Variants in ZSCAN32 observed in about 807,000 individuals in gnomAD.
The protein encoded by ZSCAN32 is zinc finger and SCAN domain-containing protein 32.
ZSCAN32 carries 52 observed loss-of-function variants against 47.4 expected under a neutral mutation model. That is an observed-to-expected ratio of 1.10 (90% CI 0.88 to 1.38). The LOEUF (loss-of-function observed/expected upper bound fraction) is 1.38, where lower values mean the gene tolerates loss of function less well. Among genes scored for constraint, ZSCAN32 ranks in the 40% most tolerant of loss-of-function variants. The pLI is 0.00. For synonymous variants in ZSCAN32, 346 were observed against 305.7 expected (o/e 1.13, Z -1.38); for missense variants, 959 against 846.0 (o/e 1.13, Z -1.66).
At chr16:3,391,237 C>T (rs560985878) in intron 3 of ZSCAN32, among the ~76,000 whole-genome samples, 2 of 152,314 alleles carry the variant, frequency 1.3e-5, no homozygotes, top group Admixed American at 1.3e-4. Context: ...GCAAGTCCTG[C>T]TTCTCTTTAC....
chr16:3,394,077 C>T (rs1345665151), intron 2 of ZSCAN32, among the ~76,000 whole-genome samples: 1 of 152,074 alleles, frequency 6.6e-6, no homozygotes, highest in African/African-American at 2.4e-5. Flanking sequence ...AGCCTGGCAA[C>T]AAGGTGAAAG....
Position 3,383,091 on chromosome 16 carries a change from G to A in ZSCAN32, c.1855C>T (p.Gln619Ter). The change falls in exon 7 of 7, where the codon CAG (glutamine) becomes TAG (stop). Residue 619 changes from glutamine (Q) to a stop codon, truncating the protein, a stop_gained. Coordinates refer to ENST00000396852, the MANE Select transcript of ZSCAN32 (RefSeq NM_001284527.2). LOFTEE classifies it low-confidence loss of function (END_TRUNC). ...TGGATGCGCCGGTGAGCACTGAACT[G>A]GGAACTGTTGTTGAATCTCTTTCCA... The part of the protein sequence containing the change: ...VCGKRFNNSS[Q>*]FSAHRRIHTG... 6.2e-7 allele frequency: 1 copy of A among 1,614,156 alleles called. No homozygotes were observed. Among genetic ancestry groups the A allele is most frequent in the African/African-American group, 1.3e-5 (1 of 75,032 alleles).
chr16:3,383,835 CCTG>C (rs2031582433), intron 6 of ZSCAN32, 124 bp from the exon 7 acceptor site: 10 of 1,024,130 alleles, frequency 9.8e-6, no homozygotes, highest in Non-Finnish European at 1.3e-5. Context: ...GATTAAGTCT[CCTG>C]CTAATTAATA....
intron 4 of ZSCAN32, 52 bp from the exon 5 acceptor site, chr16:3,390,185 T>A: frequency 4.6e-6 from 7 of 1,530,094 alleles, no homozygotes; most frequent in Non-Finnish European, 6.2e-6. Flanking sequence ...CACTCTAGCC[T>A]GGGGTGGGGG....
intron 5 of ZSCAN32, among the ~76,000 whole-genome samples, chr16:3,387,834 A>G (rs1294172491): frequency 6.6e-6 from 1 of 152,250 alleles, no homozygotes; most frequent in African/African-American, 2.4e-5. Context: ...CCTGCCTTCA[A>G]GGAGGTCACA....
intron 5 of ZSCAN32, among the ~76,000 whole-genome samples, chr16:3,386,015 G>C (rs1423109156): frequency 1.3e-5 from 2 of 152,168 alleles, no homozygotes; most frequent in African/African-American, 2.4e-5. Flanking sequence ...GCAACCTACA[G>C]AATGGGAGAA....
intron 5 of ZSCAN32, among the ~76,000 whole-genome samples, chr16:3,388,668 A>C (rs2032299895): frequency 6.6e-6 from 1 of 152,176 alleles, no homozygotes; most frequent in Non-Finnish European, 1.5e-5. Flanking sequence ...CTTACCTCTA[A>C]TTTTAAAGGA....
rs1567319196 is a variant in ZSCAN32, at chr16:3,393,198, AT to A, written c.532+450del. Among the ~76,000 whole-genome samples, 3 of 23,008 alleles carry A rather than the reference AT, an allele frequency of 1.3e-4. 1 individual carries two copies. In the Admixed American group the frequency reaches 1.6e-3, roughly 12 times the overall value. 15.1% of individuals were successfully genotyped at this position (23,008 alleles called of 152,430 possible). On this transcript the variant is annotated intron_variant, in intron 3 of 6. Coordinates refer to ENST00000396852, the MANE Select transcript of ZSCAN32 (RefSeq NM_001284527.2). ...TATATATATTTCTATATTTATATAT[AT>A]ATTTATATTTATATATATATATATA... is the stretch of plus-strand genomic sequence containing the variant.
rs2033499736 is a variant in ZSCAN32, at chr16:3,397,603, A to T, written c.-46T>A. 6.8e-7 allele frequency: 1 copy of T among 1,467,718 alleles called. No homozygotes were observed. The highest frequency in any genetic ancestry group is 2.6e-5 in the Admixed American group (1 of 39,114). The allele number at this position is 1,467,718 out of a possible 1,614,324, so 90.9% of individuals were successfully genotyped here. A position where few individuals can be genotyped will look rare whatever the true frequency, so the allele number is the denominator to read the frequency against. On this transcript the variant is annotated 5_prime_UTR_variant, in exon 2 of 7. Coordinates refer to ENST00000396852, the MANE Select transcript of ZSCAN32 (RefSeq NM_001284527.2). ...ACTCTGGTTGCCACTTCTACCCTGGAGATCAGAGTCCATCTTTCCCACATC... is the reference window on the plus strand; with the variant it reads ...ACTCTGGTTGCCACTTCTACCCTGGTGATCAGAGTCCATCTTTCCCACATC...
intron 6 of ZSCAN32, chr16:3,384,246 A>G: frequency 1.6e-6 from 1 of 633,438 alleles, no homozygotes; most frequent in Non-Finnish European, 2.7e-6. Context: ...GATGACATGA[A>G]CTTAGTTGAA....
In ZSCAN32 at chr16:3,383,347, A is replaced by C; in HGVS notation, c.1599T>G (p.Ser533Arg). The C allele has an allele frequency of 6.2e-7, 1 of 1,614,126 alleles. No homozygotes were observed. The highest frequency in any genetic ancestry group is 8.5e-7 in the Non-Finnish European group (1 of 1,180,020). ...CPECGKTFSR[S>R]SYLVRHQRIH... ...TTCTTTGATGCCGAACAAGATAAGA[A>C]CTTCGGCTAAAGGTTTTCCCACATT... The change falls in exon 7 of 7, where the codon AGT becomes AGG. Residue 533 changes from serine to arginine, a missense_variant. By Grantham distance (110) the Ser-to-Arg change is moderately radical (BLOSUM62 -1). Coordinates refer to ENST00000396852, the MANE Select transcript of ZSCAN32 (RefSeq NM_001284527.2).
intron 1 of ZSCAN32, among the ~76,000 whole-genome samples, chr16:3,398,222 G>T (rs983363601): frequency 3.3e-5 from 5 of 152,158 alleles, no homozygotes; most frequent in African/African-American, 7.2e-5. Context: ...CACGATTGTA[G>T]AACCTAAGAT....
At chr16:3,399,180 G>A (rs1394607645) in intron 1 of ZSCAN32, among the ~76,000 whole-genome samples, 2 of 152,106 alleles carry the variant, frequency 1.3e-5, no homozygotes, top group East Asian at 1.9e-4. Context: ...CTGTGATCAC[G>A]CCATTGCACT....
rs1174126734 is a variant in ZSCAN32 at position 3,397,640 on chromosome 16, A to G, written c.-83T>C. The G allele has an allele frequency of 7.0e-7, 1 of 1,419,982 alleles. No homozygotes were observed. 88.0% of individuals were successfully genotyped at this position (1,419,982 alleles called of 1,614,324 possible). On this transcript the variant is annotated 5_prime_UTR_variant, in exon 2 of 7. It removes an upstream start codon present in the reference 5' UTR. Coordinates refer to ENST00000396852, the MANE Select transcript of ZSCAN32 (RefSeq NM_001284527.2). Reference sequence around the variant, plus strand: ...ATCTTTCCCACATCACTGGGAAGCCATGTTCTCCTGCAAGGAATGTCTTTC... The same window carrying G: ...ATCTTTCCCACATCACTGGGAAGCCGTGTTCTCCTGCAAGGAATGTCTTTC...
Position 3,397,685 on chromosome 16 carries a change from G to A in ZSCAN32, c.-128C>T, listed in dbSNP as rs2033508048. 2 of 1,271,616 alleles carry A rather than the reference G, an allele frequency of 1.6e-6. No individual in the cohort carries two copies. Among genetic ancestry groups the A allele is most frequent in the Non-Finnish European group, 2.1e-6 (2 of 949,410 alleles). 78.8% of individuals were successfully genotyped at this position (1,271,616 alleles called of 1,614,324 possible). ...TCTTTCTGTAATCCGTGGGACATGA[G>A]AGTGTCAGACATGTGTAGAGACTCA... On this transcript the variant is annotated 5_prime_UTR_variant, in exon 2 of 7. Transcript: ENST00000396852.
At chr16:3,399,101 T>C (rs2033644669) in intron 1 of ZSCAN32, among the ~76,000 whole-genome samples, 1 of 152,132 alleles carries the variant, frequency 6.6e-6, no homozygotes, top group African/African-American at 2.4e-5. Flanking sequence ...CACGCACCTG[T>C]AGTCGCAGCT....
intron 4 of ZSCAN32, 132 bp from the exon 5 acceptor site, chr16:3,390,265 A>C (rs952651609): frequency 5.4e-5 from 77 of 1,421,334 alleles, no homozygotes; most frequent in Non-Finnish European, 1.2e-5. Context: ...CCAGTGGGAC[A>C]GGTTCTGAGC....
In ZSCAN32 at chr16:3,386,709, C is replaced by T. The variant is rs193065782; in HGVS notation, c.752-1768G>A. On this transcript the variant is annotated intron_variant, in intron 5 of 6. Coordinates refer to ENST00000396852, the MANE Select transcript of ZSCAN32 (RefSeq NM_001284527.2). ...TGCGAGGACAAAAAACCAAATACCA[C>T]ATGTTGTCACTCATAGGTTGTAACT... 6.6e-5 allele frequency among the ~76,000 whole-genome samples: 10 copies of T among 152,238 alleles called. No individual in the cohort carries two copies. In the East Asian group the frequency reaches 1.9e-3, roughly 29 times the overall value.
At chr16:3,396,429 C>G (rs1402475690) in intron 2 of ZSCAN32, among the ~76,000 whole-genome samples, 1 of 152,192 alleles carries the variant, frequency 6.6e-6, no homozygotes, top group African/African-American at 2.4e-5. Flanking sequence ...CTGCCTAGGG[C>G]CTTCCCATTC....
Sources: gnomAD v4.1 joint callset for allele counts (sites outside exome capture counted in the v4.1 genomes callset) on GRCh38, gnomAD v4.1.1 for gene constraint, MANE v1.5 for transcripts, NCBI Gene and HGNC (gene_info 2026-07-23, HGNC 2026-07-21) for gene names.